Variants in APBA2 observed in about 807,000 individuals in gnomAD.
APBA2 encodes the protein amyloid-beta A4 precursor protein-binding family A member 2.
Under a neutral mutation model 75.0 loss-of-function variants are expected in APBA2, and 30 were observed. The observed-to-expected ratio is 0.40, with a 90% CI of 0.30 to 0.54. APBA2 has a LOEUF of 0.54. APBA2 is among the 20% of genes least tolerant of loss of function. APBA2 has a pLI of 0.49. For synonymous variants in APBA2, 444 were observed against 409.6 expected, an observed-to-expected ratio of 1.08 and a Z score of -1.01; for missense variants, 801 against 1,016.1, an observed-to-expected ratio of 0.79 and a Z score of 2.88.
At chr15:29,051,167 A>C (rs2041575842) in intron 3 of APBA2, among the ~76,000 whole-genome samples, 1 of 152,122 alleles carries the variant, frequency 6.6e-6, no homozygotes, top group Admixed American at 6.5e-5. Flanking sequence ...TCTGGTGACA[A>C]GTTATATGTG....
At chr15:29,029,607 T>C (rs2040388014) in intron 3 of APBA2, among the ~76,000 whole-genome samples, 1 of 152,062 alleles carries the variant, frequency 6.6e-6, no homozygotes, top group Admixed American at 6.5e-5. Context: ...AATAGAATTA[T>C]TAGGTATGAT....
intron 2 of APBA2, among the ~76,000 whole-genome samples, chr15:28,990,977 TGA>T (rs2038198354): frequency 6.6e-6 from 1 of 152,226 alleles, no homozygotes; most frequent in African/African-American, 2.4e-5. Flanking sequence ...TTTGCACAAA[TGA>T]GAGTCTTGAG....
intron 2 of APBA2, among the ~76,000 whole-genome samples, chr15:28,934,971 G>A (rs1036480611): frequency 3.9e-5 from 6 of 152,192 alleles, no homozygotes; most frequent in African/African-American, 1.4e-4. Context: ...TGAAATGAGG[G>A]CAGGGGTTCT....
At chr15:28,916,739 C>T (rs1449209073) in intron 1 of APBA2, among the ~76,000 whole-genome samples, 1 of 152,216 alleles carries the variant, frequency 6.6e-6, no homozygotes, top group Non-Finnish European at 1.5e-5. Context: ...CTGTAGTGCG[C>T]GTTGCCCTGC....
intron 13 of APBA2, among the ~76,000 whole-genome samples, chr15:29,110,412 C>T (rs1224808801): frequency 6.6e-6 from 1 of 152,164 alleles, no homozygotes; most frequent in Admixed American, 6.5e-5. Context: ...ACCCCCTTGC[C>T]CAGCCTAGGA....
intron 1 of APBA2, among the ~76,000 whole-genome samples, chr15:28,890,424 C>T (rs1472198824): frequency 1.3e-5 from 2 of 152,342 alleles, no homozygotes; most frequent in East Asian, 3.9e-4. Context: ...CACCCCCACG[C>T]CCAGATTCCC....
intron 3 of APBA2, among the ~76,000 whole-genome samples, chr15:28,996,176 G>C (rs1481853246): frequency 6.6e-6 from 1 of 152,092 alleles, no homozygotes; most frequent in Non-Finnish European, 1.5e-5. Flanking sequence ...CCCTACCTAG[G>C]TTCCTAGTTA....
At chr15:28,916,991 A>G (rs2033714669) in intron 1 of APBA2, among the ~76,000 whole-genome samples, 1 of 152,160 alleles carries the variant, frequency 6.6e-6, no homozygotes, top group Non-Finnish European at 1.5e-5. Flanking sequence ...GCTTCATTCT[A>G]AAGAAATACA....
intron 1 of APBA2, among the ~76,000 whole-genome samples, chr15:28,896,646 G>T (rs1437139085): frequency 6.6e-6 from 1 of 152,156 alleles, no homozygotes; most frequent in African/African-American, 2.4e-5. Flanking sequence ...TCACAGCAGG[G>T]ATCACTGCCT....
intron 4 of APBA2, among the ~76,000 whole-genome samples, chr15:29,065,159 C>T (rs2042324430): frequency 6.6e-6 from 1 of 152,070 alleles, no homozygotes; most frequent in Non-Finnish European, 1.5e-5. Flanking sequence ...CTTCTTGAGG[C>T]CCCGTACCTC....
intron 4 of APBA2, among the ~76,000 whole-genome samples, chr15:29,068,512 A>G (rs889882286): frequency 1.3e-5 from 2 of 152,260 alleles, no homozygotes; most frequent in African/African-American, 4.8e-5. Flanking sequence ...GGTCTACTGC[A>G]GCAGAGTGCC....
intron 8 of APBA2, among the ~76,000 whole-genome samples, chr15:29,094,740 G>T (rs556301035): frequency 6.6e-6 from 1 of 152,320 alleles, no homozygotes; most frequent in Admixed American, 6.5e-5. Context: ...AGCTCAGTTT[G>T]CCCGTGTGGT....
chr15:29,080,618 C>T (rs542378464), intron 6 of APBA2, among the ~76,000 whole-genome samples: 14 of 152,262 alleles, frequency 9.2e-5, no homozygotes, highest in South Asian at 2.1e-4. Context: ...GCCTGTCCTG[C>T]GGGGAGGAAT....
At chr15:29,055,962 G>A (rs1333755530) in intron 4 of APBA2, among the ~76,000 whole-genome samples, 1 of 152,104 alleles carries the variant, frequency 6.6e-6, no homozygotes, top group Non-Finnish European at 1.5e-5. Flanking sequence ...AAGGCCAGGA[G>A]GCTCTGGACC....
rs140278354 is a variant in APBA2, at chr15:29,096,063, G to A, written c.1251+1750G>A. Among the ~76,000 whole-genome samples the A allele has an allele frequency of 7.8e-4, 118 of 151,748 alleles. 1 individual carries two copies. In the East Asian group the frequency reaches 7.8e-3, roughly 10 times the overall value. ...GGCCTCTGCGGCCAGTCAGGTGGCC[G>A]CCTGATTACATTTAATTACGGTTTG... On this transcript the variant is annotated intron_variant, in intron 8 of 14. Transcript: ENST00000683413.
chr15:29,023,855 G>C (rs2040080205), intron 3 of APBA2, among the ~76,000 whole-genome samples: 1 of 151,360 alleles, frequency 6.6e-6, no homozygotes, highest in African/African-American at 2.4e-5. Flanking sequence ...TATTTGCTTA[G>C]ATTTGTTGTT....
At chr15:28,975,240 T>C (rs2037274169) in intron 2 of APBA2, among the ~76,000 whole-genome samples, 1 of 82,830 alleles carries the variant, frequency 1.2e-5, no homozygotes. Context: ...AATTCAAATC[T>C]ATATTTTCAC....
At chr15:29,111,996 C>T (rs1398345130) in intron 13 of APBA2, among the ~76,000 whole-genome samples, 3 of 152,198 alleles carry the variant, frequency 2.0e-5, no homozygotes, top group African/African-American at 7.2e-5. Flanking sequence ...ACCCCGGGCT[C>T]CTGCTGTCCC....
Position 29,052,251 on chromosome 15 carries a change from C to T in APBA2, c.-40-1594C>T, listed in dbSNP as rs59759725. Among the ~76,000 whole-genome samples, 787 of 151,930 alleles carry T rather than the reference C, an allele frequency of 5.2e-3. 5 individuals are homozygous for T. The highest frequency in any genetic ancestry group is 0.018 in the African/African-American group (744 of 41,396). ...TGGGCGGATCACGAGGTCAGGAGAT[C>T]GTGACCATCCTAGCTAACACGGTGA... is the stretch of plus-strand genomic sequence containing the variant. On this transcript the variant is annotated intron_variant, in intron 3 of 14. Transcript: ENST00000683413.
Sources: allele counts gnomAD v4.1 joint callset (sites outside exome capture counted in the v4.1 genomes callset), GRCh38; gene constraint gnomAD v4.1.1; transcripts MANE v1.5; gene names NCBI Gene and HGNC (gene_info 2026-07-23, HGNC 2026-07-21).